ATE1: variants seen among roughly 807,000 people sequenced by gnomAD.
The protein encoded by ATE1 is arginyl-tRNA--protein transferase 1.
A neutral mutation model predicts 70.5 loss-of-function variants in ATE1; 36 were observed. The ratio of observed to expected loss-of-function variants is 0.51; its 90% CI spans 0.39 to 0.67. ATE1 has a LOEUF of 0.67. ATE1 is among the 30% of genes least tolerant of loss of function. ATE1 has a pLI of 0.00. For missense variants in ATE1, 593 were observed against 629.5 expected (o/e 0.94, Z 0.62); for synonymous variants, 232 against 219.3 (o/e 1.06, Z -0.51).
intron 11 of ATE1, among the ~76,000 whole-genome samples, chr10:121,761,466 T>G (rs1460881433): frequency 4.3e-5 from 2 of 46,878 alleles, no homozygotes; most frequent in Non-Finnish European, 6.8e-5. Flanking sequence ...TGTATGATAG[T>G]TTTTTTTTCC....
rs11200143 is a variant in ATE1, at chr10:121,776,824, T to C, written c.1378+13345A>G. Reference sequence around the variant, plus strand: ...TTACAGGGGACTACAGTTGAGAGTTTGGAAAACACTATTCTACGCATGACC... The same window carrying C: ...TTACAGGGGACTACAGTTGAGAGTTCGGAAAACACTATTCTACGCATGACC... On this transcript the variant is annotated intron_variant, in intron 11 of 11. Transcript: ENST00000224652. Among the ~76,000 whole-genome samples the C allele has an allele frequency of 3.3e-3, 503 of 152,340 alleles. 10 individuals carry two copies. The East Asian group carries it at 0.04, about 12-fold the overall frequency.
At chr10:121,871,362 G>C (rs1310248782) in intron 7 of ATE1, among the ~76,000 whole-genome samples, 1 of 152,178 alleles carries the variant, frequency 6.6e-6, no homozygotes, top group African/African-American at 2.4e-5. Flanking sequence ...GGGAGGCTGA[G>C]GCAGGAGAAT....
chr10:121,745,674 C>A (rs937613851), intron 11 of ATE1, among the ~76,000 whole-genome samples: 6 of 152,244 alleles, frequency 3.9e-5, no homozygotes, highest in Non-Finnish European at 8.8e-5. Flanking sequence ...TTGCAGTGAG[C>A]CGAGATGGCA....
At chr10:121,811,951 C>CTTTTTTTTT (rs71022870) in intron 10 of ATE1, among the ~76,000 whole-genome samples, 1 of 74,746 alleles carries the variant, frequency 1.3e-5, no homozygotes, top group Non-Finnish European at 2.4e-5. Flanking sequence ...ATTCCAAATT[C>CTTTTTTTTT]TTTTTTTTTT....
At chr10:121,790,029 T>TACACAC (rs3036895) in intron 11 of ATE1, 140 bp downstream of exon 11, 16,753 of 881,520 alleles carry the variant, frequency 0.019, 131 homozygotes, top group African/African-American at 0.045. Context: ...TCCTCTATCT[T>TACACAC]ACACACACAC....
intron 11 of ATE1, among the ~76,000 whole-genome samples, chr10:121,752,453 T>C (rs1198955088): frequency 2.0e-5 from 3 of 151,838 alleles, no homozygotes; most frequent in Non-Finnish European, 2.9e-5. Flanking sequence ...ATGGTCTCGA[T>C]CTCCTGACCT....
At chr10:121,880,035 C>A (rs184581644) in intron 7 of ATE1, among the ~76,000 whole-genome samples, 1 of 152,066 alleles carries the variant, frequency 6.6e-6, no homozygotes, top group East Asian at 1.9e-4. Context: ...TAGAAAATAC[C>A]ACAAAACCAA....
intron 2 of ATE1, among the ~76,000 whole-genome samples, chr10:121,923,846 G>C (rs1186099612): frequency 6.6e-6 from 1 of 152,154 alleles, no homozygotes; most frequent in Non-Finnish European, 1.5e-5. Context: ...TATTAATTTT[G>C]TAAGGTGTGA....
At chr10:121,837,132 A>G (rs188482160) in intron 9 of ATE1, among the ~76,000 whole-genome samples, 132 of 152,332 alleles carry the variant, frequency 8.7e-4, no homozygotes, top group African/African-American at 3.0e-3. Context: ...ATCATGCCCT[A>G]TGGTTCTCAA....
At chr10:121,814,040 G>C (rs1299558853) in intron 10 of ATE1, among the ~76,000 whole-genome samples, 1 of 152,224 alleles carries the variant, frequency 6.6e-6, no homozygotes, top group East Asian at 1.9e-4. Flanking sequence ...GGACATCTGA[G>C]TGAAACGGAC....
chr10:121,813,454 T>A (rs1947407591), intron 10 of ATE1, among the ~76,000 whole-genome samples: 1 of 152,122 alleles, frequency 6.6e-6, no homozygotes, highest in Non-Finnish European at 1.5e-5. Flanking sequence ...CCCTCCCTAG[T>A]GGATAGAGAA....
chr10:121,798,151 T>C (rs1184561543), intron 10 of ATE1, among the ~76,000 whole-genome samples: 1 of 152,224 alleles, frequency 6.6e-6, no homozygotes, highest in Non-Finnish European at 1.5e-5. Context: ...TGAATTTGTA[T>C]TTATGATGTG....
chr10:121,803,213 AT>A lies in ATE1; in HGVS notation c.1258-12925del, dbSNP rs752371866. Among the ~76,000 whole-genome samples, 5 of 152,208 alleles carry A rather than the reference AT, an allele frequency of 3.3e-5. No homozygotes were observed. In the South Asian group the frequency reaches 6.2e-4, roughly 19 times the overall value. On this transcript the variant is annotated intron_variant, in intron 10 of 11. Coordinates refer to ENST00000224652, the MANE Select transcript of ATE1 (RefSeq NM_001001976.3). ...TTTACGTTCCCTATGCATATGAAGAATTCCTTGTATGGACCGAATTCTCAAT... is the reference window on the plus strand; with the variant it reads ...TTTACGTTCCCTATGCATATGAAGAATCCTTGTATGGACCGAATTCTCAAT...
intron 5 of ATE1, among the ~76,000 whole-genome samples, chr10:121,904,946 C>G (rs1385858244): frequency 4.6e-5 from 7 of 152,094 alleles, no homozygotes; most frequent in Admixed American, 4.6e-4. Flanking sequence ...TAAGTCTGAA[C>G]CAGGTAACAA....
Position 121,743,402 on chromosome 10 carries a change from C to T in ATE1, c.*278G>A. 2.6e-6 allele frequency: 1 copy of T among 383,948 alleles called. No individual in the cohort carries two copies. The highest frequency in any genetic ancestry group is 4.0e-6 in the Non-Finnish European group (1 of 251,966). The allele number at this position is 383,948 out of a possible 1,614,324, so 23.8% of individuals were successfully genotyped here. ...ACTTCTTCATTTTACAAAATACAAA[C>T]AGGAGAATTTGAGCGTATCTTGCTC... On this transcript the variant is annotated 3_prime_UTR_variant, in exon 12 of 12. Transcript: ENST00000224652.
intron 10 of ATE1, among the ~76,000 whole-genome samples, chr10:121,816,244 C>G (rs995218236): frequency 3.9e-5 from 6 of 152,028 alleles, no homozygotes; most frequent in Non-Finnish European, 8.8e-5. Context: ...ATTAGAAAAA[C>G]TATTTTATAC....
chr10:121,854,691 C>A (rs777553561), intron 8 of ATE1, among the ~76,000 whole-genome samples: 8 of 152,120 alleles, frequency 5.3e-5, no homozygotes, highest in Non-Finnish European at 8.8e-5. Context: ...GGAAAAAAAA[C>A]GGTCAGGCAG....
chr10:121,829,802 T>C (rs1254658284), intron 10 of ATE1, among the ~76,000 whole-genome samples: 1 of 152,226 alleles, frequency 6.6e-6, no homozygotes, highest in Non-Finnish European at 1.5e-5. Context: ...AACATGTTCG[T>C]AGATTTTTCC....
chr10:121,824,131 C>CA (rs1947912939), intron 10 of ATE1, among the ~76,000 whole-genome samples: 1 of 152,132 alleles, frequency 6.6e-6, no homozygotes, highest in South Asian at 2.1e-4. Flanking sequence ...TAGGGGGCAT[C>CA]AAAAATCCCT....
Sources: gnomAD v4.1 joint callset for allele counts (sites outside exome capture counted in the v4.1 genomes callset) on GRCh38, gnomAD v4.1.1 for gene constraint, MANE v1.5 for transcripts, NCBI Gene and HGNC (gene_info 2026-07-23, HGNC 2026-07-21) for gene names.